ADAMTSL3: variants seen among roughly 807,000 people sequenced by gnomAD.
ADAMTSL3 encodes ADAMTS like 3.
A neutral mutation model predicts 201.7 loss-of-function variants in ADAMTSL3; 128 were observed. The ratio of observed to expected loss-of-function variants is 0.63; its 90% CI spans 0.55 to 0.73. The LOEUF (loss-of-function observed/expected upper bound fraction) is 0.73, where lower values mean the gene tolerates loss of function less well. Ranked by LOEUF, ADAMTSL3 falls within the 30% of genes least tolerant of loss-of-function variation. The pLI is 0.00. For missense variants in ADAMTSL3, 1,990 were observed against 2,119.6 expected (o/e 0.94, Z 1.20); for synonymous variants, 738 against 748.4 (o/e 0.99, Z 0.23).
chr15:83,837,459 C>T (rs2064297441), intron 6 of ADAMTSL3, among the ~76,000 whole-genome samples: 2 of 151,822 alleles, frequency 1.3e-5, no homozygotes, highest in African/African-American at 4.8e-5. Context: ...GAGGAAACGT[C>T]TGTAATGTTC....
chr15:83,846,013 A>G (rs377159011), intron 7 of ADAMTSL3, among the ~76,000 whole-genome samples: 2 of 152,184 alleles, frequency 1.3e-5, no homozygotes, highest in African/African-American at 4.8e-5. Flanking sequence ...TGAAGAGCCC[A>G]CTTAGACCAG....
At chr15:84,029,949 T>C (rs1373894554) in intron 27 of ADAMTSL3, among the ~76,000 whole-genome samples, 1 of 152,240 alleles carries the variant, frequency 6.6e-6, no homozygotes, top group Non-Finnish European at 1.5e-5. Context: ...AGCTTACACA[T>C]GGTGTTGGGC....
At chr15:84,033,753 G>A (rs1184792154) in intron 28 of ADAMTSL3, among the ~76,000 whole-genome samples, 4 of 152,112 alleles carry the variant, frequency 2.6e-5, no homozygotes, top group African/African-American at 7.2e-5. Flanking sequence ...CACTCTTCAT[G>A]TTCCAGCCAC....
intron 9 of ADAMTSL3, among the ~76,000 whole-genome samples, chr15:83,880,962 G>A (rs1212469890): frequency 6.6e-6 from 1 of 150,582 alleles, no homozygotes; most frequent in African/African-American, 2.4e-5. Flanking sequence ...TTCTATTCTT[G>A]GTTATTTTTA....
intron 5 of ADAMTSL3, among the ~76,000 whole-genome samples, chr15:83,818,301 T>A (rs1011496239): frequency 4.8e-5 from 7 of 144,836 alleles, no homozygotes; most frequent in Admixed American, 2.9e-4. Context: ...TACAAAAAAA[T>A]AATAAAATAC....
chr15:83,678,843 T>C (rs897243122), intron 2 of ADAMTSL3, among the ~76,000 whole-genome samples: 75 of 145,562 alleles, frequency 5.2e-4, no homozygotes, highest in African/African-American at 1.8e-3. Context: ...TAAATATATA[T>C]ATAAAATATA....
intron 3 of ADAMTSL3, among the ~76,000 whole-genome samples, chr15:83,736,965 A>G (rs1010375097): frequency 6.6e-6 from 1 of 152,218 alleles, no homozygotes; most frequent in African/African-American, 2.4e-5. Flanking sequence ...CAAACACAAC[A>G]GAAGAGTTAA....
intron 4 of ADAMTSL3, among the ~76,000 whole-genome samples, chr15:83,802,391 C>G (rs1289261404): frequency 6.6e-6 from 1 of 152,066 alleles, no homozygotes; most frequent in African/African-American, 2.4e-5. Context: ...AACTTTGTTA[C>G]CATAAAACCT....
intron 9 of ADAMTSL3, among the ~76,000 whole-genome samples, chr15:83,879,798 A>G (rs1310518667): frequency 6.6e-6 from 1 of 151,094 alleles, no homozygotes. Flanking sequence ...TGCTTATTCT[A>G]TCATGAGAGA....
At chr15:83,814,001 C>G (rs2063735011) in intron 5 of ADAMTSL3, among the ~76,000 whole-genome samples, 1 of 152,120 alleles carries the variant, frequency 6.6e-6, no homozygotes, top group Admixed American at 6.5e-5. Flanking sequence ...ATAAGTGTAT[C>G]ATAATTTGGT....
intron 7 of ADAMTSL3, among the ~76,000 whole-genome samples, chr15:83,852,675 G>A (rs1033005188): frequency 6.9e-4 from 105 of 151,948 alleles, no homozygotes; most frequent in African/African-American, 5.1e-4. Flanking sequence ...TTTTCTTACT[G>A]ATTTGTAAAC....
Position 84,025,273 on chromosome 15 carries a change from C to G in ADAMTSL3, c.4493C>G (p.Ser1498Cys). The G allele has an allele frequency of 6.2e-7, 1 of 1,612,798 alleles. No homozygotes were observed. Residue 1498 changes from serine to cysteine, a missense_variant, in exon 27 of 30, where the codon TCT becomes TGT. Coordinates refer to ENST00000286744, the MANE Select transcript of ADAMTSL3 (RefSeq NM_207517.3). Reference protein sequence around the residue: ...FTSVWSQCSVSCGEGYHSRQV... With the variant: ...FTSVWSQCSVCCGEGYHSRQV... The stretch of plus-strand genomic sequence containing the variant: ...AGTGTGTGGTCACAGTGCTCTGTGT[C>G]TTGCGGTGAAGGATACCACAGTCGG...
rs6145659 is a variant in ADAMTSL3, at chr15:83,872,627, C to CACACACACACACACAGAGAG, written c.960+1669_960+1670insCACACACACACACAGAGAGA. ...ACACACACACACACACACACACACA[C>CACACACACACACACAGAGAG]AGAGTTTTTGTTCTCTTTTAATTAC... On this transcript the variant is annotated intron_variant, in intron 9 of 29. Transcript: ENST00000286744. Among the ~76,000 whole-genome samples, 1,169 of 141,016 alleles carry CACACACACACACACAGAGAG rather than the reference C, an allele frequency of 8.3e-3. 8 individuals carry two copies. The highest frequency in any genetic ancestry group is 0.014 in the Admixed American group (193 of 14,188). 92.5% of individuals were successfully genotyped at this position (141,016 alleles called of 152,430 possible). A position where few individuals can be genotyped will look rare whatever the true frequency, so the allele number is the denominator to read the frequency against.
intron 7 of ADAMTSL3, among the ~76,000 whole-genome samples, chr15:83,850,784 G>A (rs968325653): frequency 6.6e-6 from 1 of 152,086 alleles, no homozygotes. Flanking sequence ...CCTGGCTCCT[G>A]CCTCCTTAAA....
chr15:83,818,646 CCT>C (rs1215703111), intron 5 of ADAMTSL3, among the ~76,000 whole-genome samples: 1 of 152,080 alleles, frequency 6.6e-6, no homozygotes, highest in Non-Finnish European at 1.5e-5. Flanking sequence ...CTTTTTTCTA[CCT>C]GTTGTCTTTA....
At chr15:83,885,810 C>T (rs779862303) in intron 10 of ADAMTSL3, among the ~76,000 whole-genome samples, 5 of 152,046 alleles carry the variant, frequency 3.3e-5, no homozygotes, top group African/African-American at 7.2e-5. Context: ...CTGCAACCTC[C>T]GCCTCCCAGG....
At chr15:83,986,149 C>T (rs2067470802) in intron 21 of ADAMTSL3, among the ~76,000 whole-genome samples, 1 of 152,084 alleles carries the variant, frequency 6.6e-6, no homozygotes, top group African/African-American at 2.4e-5. Context: ...ATAAAACTAG[C>T]TTTGACTTCA....
intron 2 of ADAMTSL3, among the ~76,000 whole-genome samples, chr15:83,699,641 T>G (rs965729589): frequency 6.6e-6 from 1 of 152,252 alleles, no homozygotes; most frequent in Non-Finnish European, 1.5e-5. Context: ...TTTAAATGTC[T>G]TGGGTGGCTT....
chr15:83,781,573 C>T (rs758968892), intron 4 of ADAMTSL3, among the ~76,000 whole-genome samples: 3 of 152,210 alleles, frequency 2.0e-5, no homozygotes, highest in Middle Eastern at 3.4e-3. Context: ...ACACCAAAAG[C>T]AGTTGCAATA....
Sources: gnomAD v4.1 joint callset for allele counts (sites outside exome capture counted in the v4.1 genomes callset) on GRCh38, gnomAD v4.1.1 for gene constraint, MANE v1.5 for transcripts, NCBI Gene and HGNC (gene_info 2026-07-23, HGNC 2026-07-21) for gene names.